Variants in YTHDF2 observed in about 807,000 individuals in gnomAD.
The protein encoded by YTHDF2 is YTH N6-methyladenosine RNA binding protein F2, also known as YTH domain-containing family protein 2.
Under a neutral mutation model 50.4 loss-of-function variants are expected in YTHDF2, and 2 were observed. That is an observed-to-expected ratio of 0.04 (90% CI 0.02 to 0.12). The LOEUF (loss-of-function observed/expected upper bound fraction) is 0.12. Among genes scored for constraint, YTHDF2 ranks in the 10% least tolerant of loss-of-function variants. The pLI is 1.00. For missense variants in YTHDF2, 483 were observed against 722.6 expected (o/e 0.67, Z 3.80); for synonymous variants, 217 against 255.6 (o/e 0.85, Z 1.44).
chr1:28,737,546 C>G (rs1193494407), intron 1 of YTHDF2, 112 bp from the exon 2 acceptor site: 2 of 1,431,268 alleles, frequency 1.4e-6, no homozygotes, highest in Non-Finnish European at 1.9e-6. Flanking sequence ...CCTGACGCCT[C>G]CCCTCGGGCC....
intron 4 of YTHDF2, among the ~76,000 whole-genome samples, chr1:28,756,759 G>T (rs902046849): frequency 5.3e-5 from 8 of 152,026 alleles, no homozygotes; most frequent in African/African-American, 1.7e-4. Flanking sequence ...ACCCAGGAGG[G>T]AGATAGGGAA....
intron 3 of YTHDF2, among the ~76,000 whole-genome samples, chr1:28,739,780 C>T (rs2087749452): frequency 1.3e-5 from 2 of 152,164 alleles, no homozygotes; most frequent in African/African-American, 4.8e-5. Flanking sequence ...CATGTAGATT[C>T]AAATACTAAT....
chr1:28,767,484 A>G (rs994758802), intron 4 of YTHDF2, among the ~76,000 whole-genome samples: 5 of 151,870 alleles, frequency 3.3e-5, no homozygotes, highest in African/African-American at 4.8e-5. Context: ...GTGGAATTTC[A>G]TTTTATTTAT....
intron 4 of YTHDF2, among the ~76,000 whole-genome samples, chr1:28,763,821 A>G (rs1253734229): frequency 1.3e-5 from 2 of 148,280 alleles, no homozygotes; most frequent in Non-Finnish European, 3.0e-5. Context: ...ATAATTGTAT[A>G]TATTTATGGG....
At chr1:28,742,079 C>T (rs568046658) in intron 3 of YTHDF2, among the ~76,000 whole-genome samples, 2 of 140,184 alleles carry the variant, frequency 1.4e-5, no homozygotes, top group Admixed American at 7.7e-5. Flanking sequence ...TGGAGTTTCA[C>T]TCTTGTTGCC....
At position 28,742,413 on chromosome 1, in the gene YTHDF2, A is replaced by G. The variant is rs2087790745; in HGVS notation, c.143A>G (p.Tyr48Cys). The G allele has an allele frequency of 1.9e-6, 3 of 1,561,464 alleles. No homozygotes were observed. The highest frequency in any genetic ancestry group is 1.7e-6 in the Non-Finnish European group (2 of 1,157,342). The change falls in exon 4 of 5, where the codon TAT (tyrosine) becomes TGT (cysteine). Residue 48 changes from tyrosine (Y) to cysteine (C), a missense_variant. Coordinates refer to ENST00000373812, the MANE Select transcript of YTHDF2 (RefSeq NM_016258.3). ...LSPQARPNNA[Y>C]TAMSDSYLPS... ...TTTTTTCTTCCACAGAATAATGCAT[A>G]TACTGCCATGTCAGATTCCTACTTA...
At chr1:28,764,333 G>A (rs2088185264) in intron 4 of YTHDF2, among the ~76,000 whole-genome samples, 1 of 151,406 alleles carries the variant, frequency 6.6e-6, no homozygotes, top group East Asian at 1.9e-4. Context: ...GTACAGTGGC[G>A]CGATCTCAGC....
intron 3 of YTHDF2, 46 bp downstream of exon 3, chr1:28,738,384 T>G (rs1305554301): frequency 6.9e-7 from 1 of 1,442,986 alleles, no homozygotes; most frequent in East Asian, 2.3e-5. Context: ...GTGTGGTATA[T>G]TCTTTCTCCG....
rs147973254 is a variant in YTHDF2, at chr1:28,748,785, C to T, written c.1716+4799C>T. ...TTTCTGCGTTTATTTAGAACTTTTC[C>T]CCAGTTAAGTATTCCCTATGACATC... On this transcript the variant is annotated intron_variant, in intron 4 of 4. Transcript: ENST00000373812. Among the ~76,000 whole-genome samples the T allele has an allele frequency of 2.4e-3, 362 of 152,238 alleles. 1 individual carries two copies. Among genetic ancestry groups the T allele is most frequent in the Non-Finnish European group, 4.5e-3 (304 of 68,018 alleles).
At chr1:28,737,434 T>G in intron 1 of YTHDF2, 1 of 654,006 alleles carries the variant, frequency 1.5e-6, no homozygotes. Flanking sequence ...AGCCCTGGGT[T>G]CCTCGCGTCG....
In YTHDF2 at chr1:28,738,350, A is replaced by C; in HGVS notation, c.132+12A>C. 1 of 1,603,330 alleles carries C rather than the reference A, an allele frequency of 6.2e-7. No homozygotes were observed. The highest frequency in any genetic ancestry group is 2.2e-5 in the East Asian group (1 of 44,832). On this transcript the variant is annotated intron_variant, in intron 3 of 4. Transcript: ENST00000373812. ...CACAGGCAAGGCCCGTGAGTAGTTA[A>C]CTATTTACATATCTAATCGAAGGGT...
At chr1:28,737,482 C>A in intron 1 of YTHDF2, 176 bp from the exon 2 acceptor site, 1 of 862,980 alleles carries the variant, frequency 1.2e-6, no homozygotes. Flanking sequence ...CCCTGCCCCA[C>A]GGGCCTGGCG....
At chr1:28,768,618 G>A (rs1224245984) in intron 4 of YTHDF2, among the ~76,000 whole-genome samples, 1 of 152,122 alleles carries the variant, frequency 6.6e-6, no homozygotes, top group Non-Finnish European at 1.5e-5. Context: ...GACCAGTCAT[G>A]TATGTTTGGG....
chr1:28,739,267 G>C (rs1307352145), intron 3 of YTHDF2: 1 of 151,176 alleles, frequency 6.6e-6, no homozygotes, highest in African/African-American at 2.4e-5. Flanking sequence ...CTTTTCTCTA[G>C]TTTATGGGTT....
In YTHDF2 at chr1:28,737,296, C is replaced by T. The variant is rs932074263; in HGVS notation, c.27+149C>T. 4.1e-5 allele frequency: 42 copies of T among 1,029,000 alleles called. 1 individual carries two copies. The Middle Eastern group carries it at 9.8e-4, about 24-fold the overall frequency. The allele number at this position is 1,029,000 out of a possible 1,614,324, so 63.7% of individuals were successfully genotyped here. The stretch of plus-strand genomic sequence containing the variant: ...TCGGGCCTCTCAGGCCGGCCGCGCC[C>T]GGCGCCTCTCCCTCAGCCTGTTCTT... On this transcript the variant is annotated intron_variant, in intron 1 of 4. Coordinates refer to ENST00000373812, the MANE Select transcript of YTHDF2 (RefSeq NM_016258.3).
chr1:28,760,690 C>A (rs1305076377), intron 4 of YTHDF2, among the ~76,000 whole-genome samples: 2 of 152,012 alleles, frequency 1.3e-5, no homozygotes, highest in Non-Finnish European at 2.9e-5. Context: ...AAACGATTCT[C>A]CTCCCTCAGC....
chr1:28,750,072 C>T (rs1261572839), intron 4 of YTHDF2, among the ~76,000 whole-genome samples: 1 of 130,560 alleles, frequency 7.7e-6, no homozygotes, highest in Non-Finnish European at 1.5e-5. Flanking sequence ...CTCACTGCAA[C>T]CTCTGCCTCC....
chr1:28,742,282 A>C lies in YTHDF2; in HGVS notation c.133-121A>C, dbSNP rs372610233. 82 of 1,308,316 alleles carry C rather than the reference A, an allele frequency of 6.3e-5. 1 individual carries two copies. The East Asian group carries it at 1.3e-3, about 21-fold the overall frequency. 81.0% of individuals were successfully genotyped at this position (1,308,316 alleles called of 1,614,324 possible). On this transcript the variant is annotated intron_variant, in intron 3 of 4. Coordinates refer to ENST00000373812, the MANE Select transcript of YTHDF2 (RefSeq NM_016258.3). Reference sequence around the variant, plus strand: ...AGTGTAGGGATTACAGGTGTGAGCCACCGCGTCCGGCCTGCACACTCCTTT... The same window carrying C: ...AGTGTAGGGATTACAGGTGTGAGCCCCCGCGTCCGGCCTGCACACTCCTTT...
intron 4 of YTHDF2, among the ~76,000 whole-genome samples, chr1:28,754,939 T>G (rs2088013436): frequency 7.7e-6 from 1 of 129,898 alleles, no homozygotes; most frequent in South Asian, 2.3e-4. Context: ...ATCGCAACAC[T>G]GCATTCCAGC....
Sources: gnomAD v4.1 joint callset for allele counts (sites outside exome capture counted in the v4.1 genomes callset) on GRCh38, gnomAD v4.1.1 for gene constraint, MANE v1.5 for transcripts, NCBI Gene and HGNC (gene_info 2026-07-23, HGNC 2026-07-21) for gene names.